The following SLC7A9 variants were observed in gnomAD, a reference collection of about 807,000 sequenced individuals.
SLC7A9 encodes solute carrier family 7 member 9, also known as B(0,+)-type amino acid transporter 1.
Under a neutral mutation model 54.1 loss-of-function variants are expected in SLC7A9, and 38 were observed. The ratio of observed to expected loss-of-function variants is 0.70; its 90% CI spans 0.54 to 0.92. SLC7A9 has a LOEUF of 0.92. SLC7A9 is among the 40% of genes least tolerant of loss of function. The probability of loss-of-function intolerance (pLI) is 0.00; values close to 1 mark genes in which losing one functional copy is unlikely to be tolerated. For synonymous variants in SLC7A9, 264 were observed against 258.9 expected (o/e 1.02, Z -0.19); for missense variants, 537 against 636.1 (o/e 0.84, Z 1.68).
intron 8 of SLC7A9, 112 bp from the exon 9 acceptor site, chr19:32,858,655 G>A (rs1968701223): frequency 3.9e-6 from 3 of 765,116 alleles, no homozygotes; most frequent in Non-Finnish European, 4.5e-6. Flanking sequence ...CCTCGCCTCG[G>A]GGCACAGCCT....
At chr19:32,863,921 C>G (rs1197777414) in intron 4 of SLC7A9, among the ~76,000 whole-genome samples, 175 bp downstream of exon 4, 1 of 152,032 alleles carries the variant, frequency 6.6e-6, no homozygotes, top group Non-Finnish European at 1.5e-5. Context: ...CTCCCTGCAG[C>G]CCCCACGGGC....
At chr19:32,860,105 A>G (rs750628037) in intron 7 of SLC7A9, 141 bp from the exon 8 acceptor site, 3 of 1,557,366 alleles carry the variant, frequency 1.9e-6, no homozygotes, top group South Asian at 2.4e-5. Context: ...TTCAAATGAG[A>G]ATGCTGCCTC....
At chr19:32,835,556 G>A (rs557294912) in intron 11 of SLC7A9, among the ~76,000 whole-genome samples, 2 of 152,234 alleles carry the variant, frequency 1.3e-5, no homozygotes, top group South Asian at 2.1e-4. Context: ...TAGAATCACA[G>A]GGAAATTCTA....
rs149617371 is a variant in SLC7A9, at chr19:32,862,322, G to A, written c.605-105C>T. 44 of 1,443,092 alleles carry A rather than the reference G, an allele frequency of 3.0e-5. No homozygotes were observed. In the East Asian group the frequency reaches 4.3e-4, roughly 14 times the overall value. 89.4% of individuals were successfully genotyped at this position (1,443,092 alleles called of 1,614,324 possible). A position where few individuals can be genotyped will look rare whatever the true frequency, so the allele number is the denominator to read the frequency against. On this transcript the variant is annotated intron_variant, in intron 5 of 12. Transcript: ENST00000023064. ...ATTGTGACCCCAGCTTAATAAACAC[G>A]CCCTGAAACTAAGGATCCCTCCCAC...
intron 5 of SLC7A9, 65 bp downstream of exon 5, chr19:32,862,396 C>G (rs1485768183): frequency 6.2e-7 from 1 of 1,605,008 alleles, no homozygotes; most frequent in Admixed American, 1.7e-5. Flanking sequence ...GGCAAGGCTG[C>G]TCCTGCTCCC....
chr19:32,864,800 G>T (rs374274701), intron 2 of SLC7A9, 24 bp from the exon 3 acceptor site: 30 of 1,613,796 alleles, frequency 1.9e-5, no homozygotes, highest in Non-Finnish European at 2.5e-5. Context: ...AAGGAAGAGG[G>T]CGTTAGTGCC....
In SLC7A9 at chr19:32,839,070, A is replaced by T. The variant is rs1193314625; in HGVS notation, c.1224+3098T>A. On this transcript the variant is annotated intron_variant, in intron 11 of 12. Coordinates refer to ENST00000023064, the MANE Select transcript of SLC7A9 (RefSeq NM_014270.5). ...GCAGCTTGTCTGGCATACTTTCCTC[A>T]GTTGGCATATACTTTTCCATGTGCT... Among the ~76,000 whole-genome samples the T allele has an allele frequency of 7.8e-4, 119 of 152,192 alleles. 1 individual carries two copies.
Position 32,860,624 on chromosome 19 carries a change from TC to T in SLC7A9, c.730del (p.Glu244AsnfsTer20), listed in dbSNP as rs760452532. ...GWNQLNYITE[E>X]LRNPYRNLPL... ...CTGTTACCTGTAAGGGTTTCTAAGT[TC>T]TTCTGTGATGTAATTGAGTTGATTC... is the stretch of plus-strand genomic sequence containing the variant. On this transcript the variant is annotated frameshift_variant, in exon 7 of 13. Coordinates refer to ENST00000023064, the MANE Select transcript of SLC7A9 (RefSeq NM_014270.5). LOFTEE classifies it high-confidence loss of function. 3 of 1,614,156 alleles carry T rather than the reference TC, an allele frequency of 1.9e-6. No individual in the cohort carries two copies. In the East Asian group the frequency reaches 6.7e-5, roughly 36 times the overall value.
Position 32,862,539 on chromosome 19 carries a change from C to T in SLC7A9, c.526G>A (p.Val176Ile), listed in dbSNP as rs138744722. 3.4e-4 allele frequency: 554 copies of T among 1,613,874 alleles called. 2 individuals carry two copies. In the African/African-American group the frequency reaches 4.5e-3, roughly 13 times the overall value. Reference protein sequence around the residue: ...NSLSVRLGSYVQNIFTAAKLV... With the variant: ...NSLSVRLGSYIQNIFTAAKLV... ...TTGGCCGCGGTGAAGATGTTCTGGA[C>T]GTAGCTTCCCAGCCGCACGCTCAGT... The change falls in exon 5 of 13, where the codon GTC becomes ATC. Residue 176 changes from valine (V) to isoleucine (I), a missense_variant. Val to Ile is a conservative substitution (Grantham distance 29, BLOSUM62 3). Transcript: ENST00000023064.
At chr19:32,842,080 A>G in intron 11 of SLC7A9, 88 bp downstream of exon 11, 1 of 1,293,808 alleles carries the variant, frequency 7.7e-7, no homozygotes. Flanking sequence ...GATTGGAACT[A>G]GAAGGCATGC....
chr19:32,867,929 CAAAA>C (rs57446079), intron 2 of SLC7A9, among the ~76,000 whole-genome samples: 3 of 66,020 alleles, frequency 4.5e-5, no homozygotes, highest in East Asian at 1.1e-3. Flanking sequence ...GACTCTGTCT[CAAAA>C]AAAAAAAAAA....
chr19:32,837,363 C>T (rs531518619), intron 11 of SLC7A9, among the ~76,000 whole-genome samples: 58 of 151,970 alleles, frequency 3.8e-4, no homozygotes, highest in African/African-American at 1.2e-3. Flanking sequence ...GGTGTGGTGG[C>T]GTGCACCTGT....
Position 32,830,625 on chromosome 19 carries a change from C to G in SLC7A9, c.1459G>C (p.Glu487Gln). Reference sequence around the variant, plus strand: ...GCTACAAGAGACGGAGCTTGTTACTCAGGGTCTTCCTCCGGTGGGACCACT... The same window carrying G: ...GCTACAAGAGACGGAGCTTGTTACTGAGGGTCTTCCTCCGGTGGGACCACT... ...MEVVPPEEDP[E>Q] The change falls in exon 13 of 13, where the codon GAG becomes CAG. Residue 487 changes from glutamate to glutamine, a missense_variant. Transcript: ENST00000023064. 6.2e-7 allele frequency: 1 copy of G among 1,613,172 alleles called. No homozygotes were observed. The highest frequency in any genetic ancestry group is 1.7e-4 in the Middle Eastern group (1 of 6,046).
chr19:32,854,062 C>T (rs1459375812), intron 9 of SLC7A9, among the ~76,000 whole-genome samples: 2 of 150,636 alleles, frequency 1.3e-5, no homozygotes, highest in Non-Finnish European at 2.9e-5. Context: ...GGCTGGAGTG[C>T]AGTGCAGTGG....
At chr19:32,864,961 CG>C (rs1215284339) in intron 2 of SLC7A9, among the ~76,000 whole-genome samples, 185 bp from the exon 3 acceptor site, 1 of 152,222 alleles carries the variant, frequency 6.6e-6, no homozygotes, top group Non-Finnish European at 1.5e-5. Context: ...CTTATGTTAA[CG>C]TGATTAATTA....
At chr19:32,868,049 G>A (rs1323342720) in intron 2 of SLC7A9, among the ~76,000 whole-genome samples, 1 of 151,760 alleles carries the variant, frequency 6.6e-6, no homozygotes, top group Non-Finnish European at 1.5e-5. Context: ...TGGCCAACAT[G>A]GTGAAACCCT....
chr19:32,857,933 C>G (rs1444374356), intron 9 of SLC7A9, among the ~76,000 whole-genome samples: 1 of 152,086 alleles, frequency 6.6e-6, no homozygotes, highest in African/African-American at 2.4e-5. Flanking sequence ...ATGCAGCCTG[C>G]GAGCCTGGAA....
In SLC7A9 at chr19:32,864,666, G is replaced by C. The variant is rs1968911881; in HGVS notation, c.198C>G (p.Leu66=). 6.2e-7 allele frequency: 1 copy of C among 1,614,002 alleles called. No homozygotes were observed. The highest frequency in any genetic ancestry group is 8.5e-7 in the Non-Finnish European group (1 of 1,180,038). ...GGACCCCGCAAGCCGCCCATATGAT[G>C]AGGCAGGGCCCCACAGCTTCCGTGT... The part of the protein sequence containing the change: ...LSNTEAVGPC[L]IIWAACGVLA... Residue 66 remains leucine (L), a synonymous_variant, in exon 3 of 13, where the codon CTC becomes CTG. Coordinates refer to ENST00000023064, the MANE Select transcript of SLC7A9 (RefSeq NM_014270.5).
intron 11 of SLC7A9, among the ~76,000 whole-genome samples, chr19:32,836,044 G>A (rs1340754136): frequency 6.6e-6 from 1 of 152,062 alleles, no homozygotes; most frequent in Non-Finnish European, 1.5e-5. Flanking sequence ...CTCCCGAGTA[G>A]CTGGAACTAC....
Sources: allele counts gnomAD v4.1 joint callset (sites outside exome capture counted in the v4.1 genomes callset), GRCh38; gene constraint gnomAD v4.1.1; transcripts MANE v1.5; gene names NCBI Gene and HGNC (gene_info 2026-07-23, HGNC 2026-07-21).